The following PKNOX2 variants were observed in gnomAD, a reference collection of about 807,000 sequenced individuals.
PKNOX2 encodes homeobox protein PKNOX2.
PKNOX2 carries 14 observed loss-of-function variants against 53.1 expected under a neutral mutation model. The ratio of observed to expected loss-of-function variants is 0.26; its 90% CI spans 0.17 to 0.41. The LOEUF is 0.41. PKNOX2 is among the 10% of genes least tolerant of loss of function. The probability of loss-of-function intolerance (pLI) is 1.00; values close to 1 mark genes in which losing one functional copy is unlikely to be tolerated. For missense variants in PKNOX2, 496 were observed against 602.8 expected, an observed-to-expected ratio of 0.82 and a Z score of 1.85; for synonymous variants, 257 against 242.8, an observed-to-expected ratio of 1.06 and a Z score of -0.54.
intron 2 of PKNOX2, among the ~76,000 whole-genome samples, chr11:125,264,994 T>G (rs925066328): frequency 6.6e-6 from 1 of 151,932 alleles, no homozygotes; most frequent in Non-Finnish European, 1.5e-5. Context: ...CTTAAAACAG[T>G]TACAGGGCTT....
At chr11:125,204,844 T>C (rs1219648245) in intron 1 of PKNOX2, among the ~76,000 whole-genome samples, 2 of 152,116 alleles carry the variant, frequency 1.3e-5, no homozygotes, top group Non-Finnish European at 2.9e-5. Flanking sequence ...GCTCCTGGGG[T>C]ATACCTGTTC....
intron 3 of PKNOX2, among the ~76,000 whole-genome samples, chr11:125,342,448 G>A (rs907735625): frequency 5.3e-5 from 8 of 152,088 alleles, no homozygotes; most frequent in South Asian, 2.1e-4. Context: ...CCCAGTGAGC[G>A]TCAGGGCCCT....
intron 4 of PKNOX2, among the ~76,000 whole-genome samples, chr11:125,357,102 A>T (rs1201045244): frequency 6.6e-6 from 1 of 152,220 alleles, no homozygotes; most frequent in Non-Finnish European, 1.5e-5. Flanking sequence ...GCAACACCCC[A>T]GGGACCATAT....
intron 3 of PKNOX2, among the ~76,000 whole-genome samples, chr11:125,339,394 T>C (rs1950571095): frequency 2.0e-5 from 3 of 152,174 alleles, no homozygotes; most frequent in Admixed American, 1.3e-4. Flanking sequence ...TCCCTAACGA[T>C]GGGGTGCCCT....
chr11:125,299,088 C>T (rs1322148694), intron 2 of PKNOX2, among the ~76,000 whole-genome samples: 1 of 151,960 alleles, frequency 6.6e-6, no homozygotes, highest in Non-Finnish European at 1.5e-5. Context: ...TGGTGGAAGG[C>T]AAAGGGGGAG....
chr11:125,275,545 T>C (rs1020062536), intron 2 of PKNOX2, among the ~76,000 whole-genome samples: 2 of 152,042 alleles, frequency 1.3e-5, no homozygotes, highest in African/African-American at 2.4e-5. Flanking sequence ...AGGGGGCTGG[T>C]GGAGGCTTTG....
In PKNOX2 at chr11:125,245,956, A is replaced by G. The variant is rs1420455361; in HGVS notation, c.-130+10841A>G. Among the ~76,000 whole-genome samples, 3 of 152,244 alleles carry G rather than the reference A, an allele frequency of 2.0e-5. No homozygotes were observed. In the South Asian group the frequency reaches 6.2e-4, roughly 32 times the overall value. The stretch of plus-strand genomic sequence containing the variant: ...TGCTATCTTTCTAGATGCAAAATGT[A>G]AAATAAGATTGGAGCGAGAAACCAG... On this transcript the variant is annotated intron_variant, in intron 2 of 12. Coordinates refer to ENST00000298282, the MANE Select transcript of PKNOX2 (RefSeq NM_001382323.2).
chr11:125,264,818 G>A (rs1192839690), intron 2 of PKNOX2, among the ~76,000 whole-genome samples: 1 of 152,118 alleles, frequency 6.6e-6, no homozygotes, highest in Non-Finnish European at 1.5e-5. Flanking sequence ...TGGGGGACTC[G>A]AGAAGGCGGC....
At chr11:125,316,577 C>T (rs1042086006) in intron 2 of PKNOX2, among the ~76,000 whole-genome samples, 2 of 152,156 alleles carry the variant, frequency 1.3e-5, no homozygotes, top group Non-Finnish European at 2.9e-5. Context: ...TCACATGAAT[C>T]TTTTGGTTTC....
At chr11:125,198,454 T>C (rs117843689) in intron 1 of PKNOX2, among the ~76,000 whole-genome samples, 2,795 of 152,320 alleles carry the variant, frequency 0.018, 65 homozygotes, top group Admixed American at 0.062. Flanking sequence ...ATTTCTCCTT[T>C]TGAAACTTGC....
intron 10 of PKNOX2, among the ~76,000 whole-genome samples, chr11:125,423,001 C>T (rs1956241480): frequency 6.6e-6 from 1 of 151,996 alleles, no homozygotes; most frequent in African/African-American, 2.4e-5. Flanking sequence ...TTCTAAATAG[C>T]TTTCGTATAT....
At chr11:125,197,195 C>G (rs1937816629) in intron 1 of PKNOX2, among the ~76,000 whole-genome samples, 2 of 152,192 alleles carry the variant, frequency 1.3e-5, no homozygotes, top group African/African-American at 2.4e-5. Flanking sequence ...TGAGTGATGA[C>G]TCTCATGGAT....
chr11:125,410,741 C>G (rs770722074), intron 8 of PKNOX2, 38 bp from the exon 9 acceptor site: 170 of 1,530,656 alleles, frequency 1.1e-4, no homozygotes, highest in Non-Finnish European at 1.5e-4. Flanking sequence ...CCTACCCACT[C>G]CCATGGCAGG....
chr11:125,303,753 A>T (rs1176470167), intron 2 of PKNOX2, among the ~76,000 whole-genome samples: 2 of 152,198 alleles, frequency 1.3e-5, no homozygotes, highest in African/African-American at 4.8e-5. Context: ...AGGGACAGGC[A>T]CTAGAAAGTG....
intron 3 of PKNOX2, among the ~76,000 whole-genome samples, chr11:125,342,311 A>G (rs7131530): frequency 0.094 from 14,237 of 152,108 alleles, 2,186 homozygotes; most frequent in African/African-American, 0.32. Context: ...AGGTTGCACC[A>G]GAGGTGGAAT....
chr11:125,327,214 A>G (rs1310123336), intron 2 of PKNOX2, among the ~76,000 whole-genome samples: 1 of 152,186 alleles, frequency 6.6e-6, no homozygotes, highest in Non-Finnish European at 1.5e-5. Context: ...CAAAAAGCCT[A>G]AGCACAAGTT....
At chr11:125,189,065 G>T (rs1204430394) in intron 1 of PKNOX2, among the ~76,000 whole-genome samples, 1 of 151,910 alleles carries the variant, frequency 6.6e-6, no homozygotes, top group African/African-American at 2.4e-5. Flanking sequence ...GCAAGAGAAG[G>T]CTGCGTTTTT....
chr11:125,329,858 C>G (rs1334444804), intron 2 of PKNOX2, among the ~76,000 whole-genome samples: 1 of 152,120 alleles, frequency 6.6e-6, no homozygotes, highest in Non-Finnish European at 1.5e-5. Context: ...GCAGTCGGGG[C>G]CAGCTGCTTT....
At chr11:125,371,672 G>A (rs577902169) in intron 5 of PKNOX2, among the ~76,000 whole-genome samples, 14 of 152,260 alleles carry the variant, frequency 9.2e-5, no homozygotes, top group African/African-American at 2.4e-4. Context: ...TTGGCTTTGC[G>A]AAGACTGCTC....
Sources: gnomAD v4.1 joint callset for allele counts (sites outside exome capture counted in the v4.1 genomes callset) on GRCh38, gnomAD v4.1.1 for gene constraint, MANE v1.5 for transcripts, NCBI Gene and HGNC (gene_info 2026-07-23, HGNC 2026-07-21) for gene names.